Variants in AMOTL1 observed in about 807,000 individuals in gnomAD.
The protein encoded by AMOTL1 is angiomotin like 1.
Under a neutral mutation model 102.9 loss-of-function variants are expected in AMOTL1, and 45 were observed. That is an observed-to-expected ratio of 0.44 (90% CI 0.34 to 0.56). The LOEUF (loss-of-function observed/expected upper bound fraction) is 0.56. AMOTL1 is among the 20% of genes least tolerant of loss of function. AMOTL1 has a pLI of 0.01. For synonymous variants in AMOTL1, 481 were observed against 484.7 expected (o/e 0.99, Z 0.10); for missense variants, 1,114 against 1,225.6 (o/e 0.91, Z 1.36).
intron 6 of AMOTL1, among the ~76,000 whole-genome samples, chr11:94,841,760 G>A (rs1011934819): frequency 6.6e-6 from 1 of 152,230 alleles, no homozygotes; most frequent in Non-Finnish European, 1.5e-5. Context: ...AGGCAAGTTT[G>A]TAAAGTGCAT....
chr11:94,777,723 T>C (rs1951045235), intron 1 of AMOTL1, among the ~76,000 whole-genome samples: 1 of 152,238 alleles, frequency 6.6e-6, no homozygotes. Context: ...TTGAATATTT[T>C]CAATTTCTCT....
At position 94,873,019 on chromosome 11, in the gene AMOTL1, T is replaced by C. The variant is rs1045775102; in HGVS notation, c.*2224T>C. ...TAGAGATAGGAAGGTAAATCAACTC[T>C]GCCAGCCCCTACCATCAGGTCTGGG... On this transcript the variant is annotated 3_prime_UTR_variant, in exon 13 of 13. Coordinates refer to ENST00000433060, the MANE Select transcript of AMOTL1 (RefSeq NM_130847.3). 1.3e-5 allele frequency: 2 copies of C among 152,168 alleles called. No homozygotes were observed. Among genetic ancestry groups the C allele is most frequent in the African/African-American group, 4.8e-5 (2 of 41,438 alleles). The allele number at this position is 152,168 out of a possible 1,614,324, so 9.4% of individuals were successfully genotyped here. A position where few individuals can be genotyped will look rare whatever the true frequency, so the allele number is the denominator to read the frequency against.
At chr11:94,786,423 G>A (rs977177859) in intron 1 of AMOTL1, among the ~76,000 whole-genome samples, 9 of 152,184 alleles carry the variant, frequency 5.9e-5, no homozygotes, top group African/African-American at 9.7e-5. Flanking sequence ...CCAGACCTGC[G>A]GAGGAAGCCC....
intron 3 of AMOTL1, among the ~76,000 whole-genome samples, chr11:94,811,020 A>G (rs767266628): frequency 6.6e-6 from 1 of 152,184 alleles, no homozygotes; most frequent in Non-Finnish European, 1.5e-5. Flanking sequence ...AACCAGAAAG[A>G]GCCTGATTTA....
intron 2 of AMOTL1, among the ~76,000 whole-genome samples, chr11:94,736,093 A>G (rs1180358337): frequency 6.6e-6 from 1 of 151,922 alleles, no homozygotes; most frequent in East Asian, 1.9e-4. Context: ...CATACGTCCC[A>G]CCTCTAATAA....
intron 3 of AMOTL1, among the ~76,000 whole-genome samples, chr11:94,811,368 G>A (rs112843918): frequency 0.016 from 2,391 of 152,006 alleles, 63 homozygotes; most frequent in African/African-American, 0.055. Flanking sequence ...GGTGGTGCAC[G>A]CCTGTAGTCC....
chr11:94,710,026 A>G (rs901138208), intron 1 of AMOTL1, among the ~76,000 whole-genome samples: 9 of 152,196 alleles, frequency 5.9e-5, no homozygotes, highest in Non-Finnish European at 8.8e-5. Flanking sequence ...AAAATCAGGG[A>G]AAAAACATTT....
At chr11:94,857,877 G>T (rs541021678) in intron 8 of AMOTL1, among the ~76,000 whole-genome samples, 6 of 151,888 alleles carry the variant, frequency 4.0e-5, no homozygotes, top group Non-Finnish European at 8.8e-5. Context: ...CTGAATGGGC[G>T]GCAGTAGCTG....
chr11:94,815,234 T>C (rs1339455372), intron 3 of AMOTL1, among the ~76,000 whole-genome samples: 1 of 152,172 alleles, frequency 6.6e-6, no homozygotes, highest in African/African-American at 2.4e-5. Flanking sequence ...GGCTATAAAG[T>C]TATAAATGTA....
chr11:94,812,898 C>T (rs1365314650), intron 3 of AMOTL1, among the ~76,000 whole-genome samples: 1 of 152,072 alleles, frequency 6.6e-6, no homozygotes, highest in African/African-American at 2.4e-5. Flanking sequence ...TAAGCATTAG[C>T]ATGAAATCCC....
At chr11:94,830,862 T>G (rs1056982213) in intron 5 of AMOTL1, among the ~76,000 whole-genome samples, 3 of 152,356 alleles carry the variant, frequency 2.0e-5, no homozygotes, top group Admixed American at 2.0e-4. Flanking sequence ...TCCCACCTTT[T>G]CTGTTGCTAC....
At chr11:94,768,886 T>C (rs1294307648) in intron 1 of AMOTL1, among the ~76,000 whole-genome samples, 1 of 151,560 alleles carries the variant, frequency 6.6e-6, no homozygotes, top group Admixed American at 6.6e-5. Flanking sequence ...GGCCAGACAC[T>C]CCGAGGCGCG....
At chr11:94,823,962 G>A (rs759102003) in intron 4 of AMOTL1, among the ~76,000 whole-genome samples, 3 of 151,642 alleles carry the variant, frequency 2.0e-5, no homozygotes, top group Non-Finnish European at 2.9e-5. Context: ...CTCGTGATCC[G>A]CCCACCTCGG....
At chr11:94,794,717 C>T (rs2399962) in intron 1 of AMOTL1, among the ~76,000 whole-genome samples, 5,414 of 152,282 alleles carry the variant, frequency 0.036, 403 homozygotes, top group East Asian at 0.28. Flanking sequence ...ACTTGACTTT[C>T]GCTGGTGCTG....
intron 2 of AMOTL1, among the ~76,000 whole-genome samples, chr11:94,731,347 C>T (rs1170401439): frequency 6.6e-6 from 1 of 152,174 alleles, no homozygotes; most frequent in Non-Finnish European, 1.5e-5. Context: ...GAAGCACAGA[C>T]ACAAGGAATC....
At chr11:94,785,683 T>C (rs1438060228) in intron 1 of AMOTL1, among the ~76,000 whole-genome samples, 4 of 152,194 alleles carry the variant, frequency 2.6e-5, no homozygotes, top group Admixed American at 2.6e-4. Flanking sequence ...TATCCCAGTG[T>C]CACTCATCTG....
At chr11:94,846,460 G>A (rs964481469) in intron 6 of AMOTL1, among the ~76,000 whole-genome samples, 1 of 152,246 alleles carries the variant, frequency 6.6e-6, no homozygotes, top group Non-Finnish European at 1.5e-5. Flanking sequence ...AGAAGCTGAA[G>A]CACAGAGAGG....
chr11:94,870,382 A>G (rs975082335), intron 12 of AMOTL1, among the ~76,000 whole-genome samples: 2 of 152,238 alleles, frequency 1.3e-5, no homozygotes, highest in African/African-American at 4.8e-5. Context: ...AGAACCTGTC[A>G]AAAGTGCCTA....
intron 1 of AMOTL1, 103 bp downstream of exon 1, chr11:94,768,663 G>A: frequency 6.6e-7 from 1 of 1,517,582 alleles, no homozygotes; most frequent in East Asian, 2.5e-5. Context: ...TCACGGAAGG[G>A]GGCAGCTTCT....
Sources: gnomAD v4.1 joint callset for allele counts (sites outside exome capture counted in the v4.1 genomes callset) on GRCh38, gnomAD v4.1.1 for gene constraint, MANE v1.5 for transcripts, NCBI Gene and HGNC (gene_info 2026-07-23, HGNC 2026-07-21) for gene names.